SPIDR: variants seen among roughly 807,000 people sequenced by gnomAD.
The protein encoded by SPIDR is DNA repair-scaffolding protein.
SPIDR carries 93 observed loss-of-function variants against 104.6 expected under a neutral mutation model. The ratio of observed to expected loss-of-function variants is 0.89; its 90% CI spans 0.75 to 1.06. SPIDR has a LOEUF of 1.06. SPIDR is among the 50% of genes least tolerant of loss of function. The probability of loss-of-function intolerance (pLI) is 0.00; values close to 1 mark genes in which losing one functional copy is unlikely to be tolerated. For missense variants in SPIDR, 1,154 were observed against 1,111.2 expected (o/e 1.04, Z -0.55); for synonymous variants, 431 against 416.9 (o/e 1.03, Z -0.41).
chr8:47,641,058 G>A (rs1269857802), intron 10 of SPIDR, among the ~76,000 whole-genome samples: 1 of 151,192 alleles, frequency 6.6e-6, no homozygotes, highest in African/African-American at 2.4e-5. Flanking sequence ...TGCTGAAAAA[G>A]GGTATGCATA....
intron 5 of SPIDR, among the ~76,000 whole-genome samples, chr8:47,311,660 GA>G (rs1471333579): frequency 6.6e-6 from 1 of 151,208 alleles, no homozygotes; most frequent in African/African-American, 2.4e-5. Context: ...TCTACAAAAA[GA>G]AAAAAATCTT....
chr8:47,353,325 C>G (rs1469915703), intron 5 of SPIDR, among the ~76,000 whole-genome samples: 1 of 152,126 alleles, frequency 6.6e-6, no homozygotes, highest in Non-Finnish European at 1.5e-5. Flanking sequence ...ATAACTTCAC[C>G]GCCTCTTACC....
At chr8:47,466,918 TA>T (rs2074937809) in intron 8 of SPIDR, among the ~76,000 whole-genome samples, 1 of 123,742 alleles carries the variant, frequency 8.1e-6, no homozygotes, top group African/African-American at 3.4e-5. Flanking sequence ...TATATATAGA[TA>T]GATAGATAGA....
chr8:47,422,029 G>A (rs142484080), intron 7 of SPIDR, among the ~76,000 whole-genome samples: 2 of 152,324 alleles, frequency 1.3e-5, no homozygotes, highest in East Asian at 3.9e-4. Flanking sequence ...ACTCAGGGGT[G>A]CCTCACAGTT....
chr8:47,275,617 T>G (rs2036265677), intron 1 of SPIDR, among the ~76,000 whole-genome samples: 1 of 152,182 alleles, frequency 6.6e-6, no homozygotes, highest in Non-Finnish European at 1.5e-5. Context: ...TTATTTTAAA[T>G]AAAAGCAGAA....
chr8:47,511,371 C>T, intron 8 of SPIDR: 1 of 981,344 alleles, frequency 1.0e-6, no homozygotes, highest in South Asian at 1.3e-5. Flanking sequence ...TGCTCGGTGT[C>T]TGACCCTCGC....
intron 8 of SPIDR, among the ~76,000 whole-genome samples, chr8:47,585,602 T>C (rs2060175118): frequency 6.6e-6 from 1 of 152,136 alleles, no homozygotes; most frequent in South Asian, 2.1e-4. Context: ...GGGTAACTTA[T>C]AAAGAAGAGG....
rs1362925659 is a variant in SPIDR at position 47,313,233 on chromosome 8, T to G, written c.525+19203T>G. 4.6e-5 allele frequency among the ~76,000 whole-genome samples: 7 copies of G among 152,148 alleles called. No homozygotes were observed. In the East Asian group the frequency reaches 5.8e-4, roughly 13 times the overall value. On this transcript the variant is annotated intron_variant, in intron 5 of 19. Transcript: ENST00000297423. Reference sequence around the variant, plus strand: ...CAAAGTCTCAGGATACAAAATCAATTTGCAAAAATCACAAGCATTCTTCTA... The same window carrying G: ...CAAAGTCTCAGGATACAAAATCAATGTGCAAAAATCACAAGCATTCTTCTA...
chr8:47,337,468 G>A (rs555053631), intron 5 of SPIDR, among the ~76,000 whole-genome samples: 3 of 152,108 alleles, frequency 2.0e-5, no homozygotes, highest in South Asian at 2.1e-4. Flanking sequence ...TCAGAGTTCC[G>A]TATGTATTCG....
chr8:47,367,735 C>T (rs184181019), intron 5 of SPIDR, among the ~76,000 whole-genome samples: 6 of 152,196 alleles, frequency 3.9e-5, no homozygotes, highest in Admixed American at 1.3e-4. Flanking sequence ...GTCCATAACC[C>T]GCCCAAGTCT....
At chr8:47,287,785 A>G (rs1252701921) in intron 3 of SPIDR, among the ~76,000 whole-genome samples, 3 of 152,178 alleles carry the variant, frequency 2.0e-5, no homozygotes, top group African/African-American at 4.8e-5. Flanking sequence ...CATATTGTTC[A>G]AACACACATT....
chr8:47,728,862 T>C, intron 17 of SPIDR, 71 bp from the exon 18 acceptor site: 2 of 1,516,392 alleles, frequency 1.3e-6, no homozygotes, highest in South Asian at 1.3e-5. Flanking sequence ...TTTAAGAAAA[T>C]GTCTCCCACT....
intron 5 of SPIDR, among the ~76,000 whole-genome samples, chr8:47,322,354 C>A (rs2046818345): frequency 6.6e-6 from 1 of 152,156 alleles, no homozygotes; most frequent in African/African-American, 2.4e-5. Flanking sequence ...TCATCCCTGG[C>A]CATCAGAGAA....
intron 10 of SPIDR, chr8:47,654,298 C>G (rs1231554300): frequency 1.7e-6 from 1 of 578,384 alleles, no homozygotes; most frequent in East Asian, 6.8e-5. Context: ...GGGCCACAAG[C>G]AAGGCAAGAC....
At chr8:47,521,463 G>A (rs1035942530) in intron 8 of SPIDR, among the ~76,000 whole-genome samples, 1 of 147,936 alleles carries the variant, frequency 6.8e-6, no homozygotes, top group African/African-American at 2.5e-5. Context: ...TTGAGACCGA[G>A]TCTCACTCTG....
intron 10 of SPIDR, among the ~76,000 whole-genome samples, chr8:47,600,737 T>C (rs993839893): frequency 6.6e-6 from 1 of 152,208 alleles, no homozygotes; most frequent in Non-Finnish European, 1.5e-5. Context: ...TTGCTTGGCC[T>C]TTTTAATGAC....
At chr8:47,387,372 G>A (rs1405452802) in intron 5 of SPIDR, among the ~76,000 whole-genome samples, 12 of 152,144 alleles carry the variant, frequency 7.9e-5, no homozygotes, top group African/African-American at 2.9e-4. Flanking sequence ...CTCTGACTTA[G>A]GTTGTTCTGA....
rs146016958 is a variant in SPIDR, at chr8:47,325,995, C to CT, written c.525+31974dup. ...TTTTCCAAAATAAGCTTCATCCATG[C>CT]TTTTTTTTTCTTTTAAGACAGGGTC... On this transcript the variant is annotated intron_variant, in intron 5 of 19. Transcript: ENST00000297423. 2.1e-3 allele frequency among the ~76,000 whole-genome samples: 311 copies of CT among 151,328 alleles called. 1 individual carries two copies. The highest frequency in any genetic ancestry group is 1.9e-3 in the Non-Finnish European group (129 of 67,756).
At chr8:47,367,389 G>T (rs1554635321) in intron 5 of SPIDR, among the ~76,000 whole-genome samples, 1 of 152,166 alleles carries the variant, frequency 6.6e-6, no homozygotes, top group Non-Finnish European at 1.5e-5. Flanking sequence ...CCACCACCTT[G>T]ATTTCATCTT....
Sources: gnomAD v4.1 joint callset for allele counts (sites outside exome capture counted in the v4.1 genomes callset) on GRCh38, gnomAD v4.1.1 for gene constraint, MANE v1.5 for transcripts, NCBI Gene and HGNC (gene_info 2026-07-23, HGNC 2026-07-21) for gene names.